The following KPNA6 variants were observed in gnomAD, a reference collection of about 807,000 sequenced individuals.
KPNA6 encodes importin subunit alpha-7.
Under a neutral mutation model 72.0 loss-of-function variants are expected in KPNA6, and 9 were observed. That is an observed-to-expected ratio of 0.13 (90% CI 0.08 to 0.22). The LOEUF (loss-of-function observed/expected upper bound fraction) is 0.22, where lower values mean the gene tolerates loss of function less well. Ranked by LOEUF, KPNA6 falls within the 10% of genes least tolerant of loss-of-function variation. The pLI is 1.00. For synonymous variants in KPNA6, 219 were observed against 242.1 expected (o/e 0.90, Z 0.89); for missense variants, 374 against 655.7 (o/e 0.57, Z 4.69).
intron 1 of KPNA6, among the ~76,000 whole-genome samples, chr1:32,153,975 C>T (rs914633363): frequency 3.3e-5 from 5 of 152,042 alleles, no homozygotes; most frequent in Non-Finnish European, 5.9e-5. Flanking sequence ...GGTGAGACCC[C>T]GTCTCTACTA....
intron 1 of KPNA6, among the ~76,000 whole-genome samples, chr1:32,132,912 A>G (rs1224561111): frequency 2.7e-5 from 4 of 149,914 alleles, no homozygotes; most frequent in Admixed American, 2.0e-4. Context: ...CAAAGAAAAA[A>G]TATATACATA....
Position 32,165,411 on chromosome 1 carries a change from A to G in KPNA6, c.991-694A>G, listed in dbSNP as rs533422033. On this transcript the variant is annotated intron_variant, in intron 10 of 13. Coordinates refer to ENST00000373625, the MANE Select transcript of KPNA6 (RefSeq NM_012316.5). Reference sequence around the variant, plus strand: ...TGATTAAGTCCAGTTTACCTGGGCCAGGTGCAGTGGCTCATGCCTGTAATT... The same window carrying G: ...TGATTAAGTCCAGTTTACCTGGGCCGGGTGCAGTGGCTCATGCCTGTAATT... Among the ~76,000 whole-genome samples, 7 of 151,638 alleles carry G rather than the reference A, an allele frequency of 4.6e-5. No homozygotes were observed. In the East Asian group the frequency reaches 1.4e-3, roughly 30 times the overall value.
At chr1:32,125,144 C>G (rs1464805451) in intron 1 of KPNA6, among the ~76,000 whole-genome samples, 1 of 152,192 alleles carries the variant, frequency 6.6e-6, no homozygotes, top group Non-Finnish European at 1.5e-5. Context: ...CTCACCTGGT[C>G]TTAACTTAAT....
intron 1 of KPNA6, among the ~76,000 whole-genome samples, chr1:32,147,804 C>T (rs541309194): frequency 6.6e-6 from 1 of 151,730 alleles, no homozygotes; most frequent in East Asian, 1.9e-4. Context: ...GGATTACAGA[C>T]ATACACCACC....
intron 1 of KPNA6, among the ~76,000 whole-genome samples, chr1:32,138,262 T>C (rs977877394): frequency 5.3e-5 from 8 of 151,960 alleles, no homozygotes; most frequent in Admixed American, 2.0e-4. Flanking sequence ...AGGTGGAAGC[T>C]GGCCAGGCGC....
At chr1:32,139,845 T>C (rs1343072848) in intron 1 of KPNA6, among the ~76,000 whole-genome samples, 1 of 152,226 alleles carries the variant, frequency 6.6e-6, no homozygotes, top group Non-Finnish European at 1.5e-5. Flanking sequence ...TGGCTGCTAG[T>C]TGATCATTGA....
chr1:32,170,121 A>G, intron 13 of KPNA6, 61 bp downstream of exon 13: 1 of 1,458,986 alleles, frequency 6.9e-7, no homozygotes, highest in Non-Finnish European at 9.5e-7. Flanking sequence ...AACGTGGTAT[A>G]CATATGTTGG....
chr1:32,120,671 A>G (rs552467665), intron 1 of KPNA6, among the ~76,000 whole-genome samples: 6 of 144,422 alleles, frequency 4.2e-5, no homozygotes, highest in Admixed American at 2.1e-4. Context: ...GGTTCAAGAG[A>G]TTCTCCTGCC....
chr1:32,152,534 T>G (rs754942705), intron 1 of KPNA6, among the ~76,000 whole-genome samples: 1 of 151,984 alleles, frequency 6.6e-6, no homozygotes, highest in African/African-American at 2.4e-5. Context: ...TTTATAAGCC[T>G]TAGAAAGGTA....
intron 1 of KPNA6, among the ~76,000 whole-genome samples, chr1:32,131,165 G>A (rs1263574775): frequency 6.6e-6 from 1 of 152,092 alleles, no homozygotes; most frequent in African/African-American, 2.4e-5. Flanking sequence ...CTGGTGGCGG[G>A]CGTCTGTAAT....
intron 3 of KPNA6, 48 bp downstream of exon 3, chr1:32,156,993 C>T: frequency 1.4e-6 from 2 of 1,394,882 alleles, no homozygotes; most frequent in Middle Eastern, 3.6e-4. Context: ...ACACCTGCTT[C>T]TAAGGACAGA....
rs1642260230 is a variant in KPNA6 at position 32,162,666 on chromosome 1, C to T, written c.911+142C>T. ...CCTGACCAACATGGTGAAACCCCGT[C>T]TCTACTAAAAATACAAAAATTAGCT... On this transcript the variant is annotated intron_variant, in intron 9 of 13. Coordinates refer to ENST00000373625, the MANE Select transcript of KPNA6 (RefSeq NM_012316.5). 4.9e-6 allele frequency: 4 copies of T among 810,064 alleles called. No individual in the cohort carries two copies. The South Asian group carries it at 6.6e-5, about 13-fold the overall frequency. The allele number at this position is 810,064 out of a possible 1,614,324, so 50.2% of individuals were successfully genotyped here.
chr1:32,115,558 C>G (rs1427743329), intron 1 of KPNA6, among the ~76,000 whole-genome samples: 1 of 151,736 alleles, frequency 6.6e-6, no homozygotes, highest in Non-Finnish European at 1.5e-5. Flanking sequence ...TTCTAAGTAG[C>G]TGGGGACTAC....
chr1:32,116,111 T>G (rs918396290), intron 1 of KPNA6, among the ~76,000 whole-genome samples: 3 of 152,170 alleles, frequency 2.0e-5, no homozygotes, highest in Non-Finnish European at 4.4e-5. Context: ...AAGGCAGTAT[T>G]GTGGCTGATT....
At chr1:32,134,247 A>G (rs1227701553) in intron 1 of KPNA6, among the ~76,000 whole-genome samples, 1 of 146,414 alleles carries the variant, frequency 6.8e-6, no homozygotes, top group Non-Finnish European at 1.5e-5. Flanking sequence ...ACAGTACAAC[A>G]CTTCGTCTCA....
intron 1 of KPNA6, chr1:32,143,121 G>C: frequency 1.5e-6 from 1 of 655,856 alleles, no homozygotes; most frequent in Middle Eastern, 2.9e-4. Context: ...GGAGTGCAGA[G>C]GTGCAGACAC....
Position 32,173,160 on chromosome 1 carries a change from T to C in KPNA6, c.*2266T>C. The C allele has an allele frequency of 2.6e-6, 1 of 389,776 alleles. No homozygotes were observed. The allele number at this position is 389,776 out of a possible 1,614,324, so 24.1% of individuals were successfully genotyped here. On this transcript the variant is annotated 3_prime_UTR_variant, in exon 14 of 14. Coordinates refer to ENST00000373625, the MANE Select transcript of KPNA6 (RefSeq NM_012316.5). ...GCCTGCTACCTCCATTAAAAAACCA[T>C]TCTCTTACAGTTTAAAAAAAAAAAA... is the stretch of plus-strand genomic sequence containing the variant.
At chr1:32,153,038 A>AG (rs1398581299) in intron 1 of KPNA6, among the ~76,000 whole-genome samples, 10 of 145,340 alleles carry the variant, frequency 6.9e-5, no homozygotes, top group Non-Finnish European at 1.3e-4. Context: ...AAAAAAAAAA[A>AG]GTATAGTGTG....
rs67312157 is a variant in KPNA6 at position 32,128,387 on chromosome 1, TTATATATATATATATATATATA to T, written c.4+20272_4+20293del. On this transcript the variant is annotated intron_variant, in intron 1 of 13. Transcript: ENST00000373625. ...TATATTTTTTATATTATATATGTATTTATATATATATATATATATATATATATATATATATATATACACACAC... is the reference window on the plus strand; with the variant it reads ...TATATTTTTTATATTATATATGTATTTATATATATATATATATACACACAC... 7.6e-4 allele frequency among the ~76,000 whole-genome samples: 55 copies of T among 72,172 alleles called. 1 individual carries two copies. Among genetic ancestry groups the T allele is most frequent in the Middle Eastern group, 0.013 (1 of 76 alleles). 47.3% of individuals were successfully genotyped at this position (72,172 alleles called of 152,430 possible).
Sources: allele counts gnomAD v4.1 joint callset (sites outside exome capture counted in the v4.1 genomes callset), GRCh38; gene constraint gnomAD v4.1.1; transcripts MANE v1.5; gene names NCBI Gene and HGNC (gene_info 2026-07-23, HGNC 2026-07-21).